Variants in AZI2 observed in about 807,000 individuals in gnomAD.
AZI2 encodes the protein 5-azacytidine-induced protein 2.
In AZI2, 22 loss-of-function variants were observed where a neutral mutation model predicts 45.8. The observed-to-expected ratio is 0.48, with a 90% CI of 0.34 to 0.69. The LOEUF (loss-of-function observed/expected upper bound fraction) is 0.69, where lower values mean the gene tolerates loss of function less well. Ranked by LOEUF, AZI2 falls within the 30% of genes least tolerant of loss-of-function variation. AZI2 has a pLI of 0.01. For synonymous variants in AZI2, 137 were observed against 156.7 expected, an observed-to-expected ratio of 0.87 and a Z score of 0.94; for missense variants, 417 against 441.5, an observed-to-expected ratio of 0.94 and a Z score of 0.50.
At chr3:28,348,125 C>G (rs1186349503) in intron 1 of AZI2, 2 of 152,166 alleles carry the variant, frequency 1.3e-5, no homozygotes, top group Non-Finnish European at 2.9e-5. Context: ...GAATGAATAC[C>G]GTATACAGGT....
Position 28,324,275 on chromosome 3 carries a change from G to C in AZI2, c.946C>G (p.Leu316Val). 1 of 1,608,846 alleles carries C rather than the reference G, an allele frequency of 6.2e-7. No homozygotes were observed. Among genetic ancestry groups the C allele is most frequent in the Non-Finnish European group, 8.5e-7 (1 of 1,176,450 alleles). The change falls in exon 8 of 8, where the codon CTC becomes GTC. Residue 316 changes from leucine (L) to valine (V), a missense_variant. Coordinates refer to ENST00000479665, the MANE Select transcript of AZI2 (RefSeq NM_022461.5). ...CTCTCATTGTCTGTCCATGATTGGA[G>C]GATTGCTTTCTCTGATAAAACCTTT... is the stretch of plus-strand genomic sequence containing the variant. ...DVKVLSEKAI[L>V]QSWTDNERSI... is the part of the protein sequence containing the mutation.
At chr3:28,325,977 C>G (rs754107080) in intron 7 of AZI2, among the ~76,000 whole-genome samples, 2 of 151,046 alleles carry the variant, frequency 1.3e-5, no homozygotes, top group African/African-American at 2.4e-5. Flanking sequence ...CTGAGGAGAA[C>G]TATTTATGAC....
intron 6 of AZI2, among the ~76,000 whole-genome samples, chr3:28,329,133 CTCAAATGAGAACTCT>C (rs1703488946): frequency 6.6e-6 from 1 of 151,236 alleles, no homozygotes; most frequent in Admixed American, 6.6e-5. Flanking sequence ...ACTGAAACTT[CTCAAATGAGAACTCT>C]AAAAACAGAT....
Position 28,332,423 on chromosome 3 carries a change from G to A in AZI2, c.593C>T (p.Pro198Leu), listed in dbSNP as rs1257428314. 1 of 1,607,180 alleles carries A rather than the reference G, an allele frequency of 6.2e-7. No individual in the cohort carries two copies. Among genetic ancestry groups the A allele is most frequent in the Non-Finnish European group, 8.5e-7 (1 of 1,175,406 alleles). Residue 198 changes from proline to leucine, a missense_variant, in exon 6 of 8, where the codon CCA becomes CTA. By Grantham distance (98) the Pro-to-Leu change is moderately conservative (BLOSUM62 -3). Coordinates refer to ENST00000479665, the MANE Select transcript of AZI2 (RefSeq NM_022461.5). The stretch of plus-strand genomic sequence containing the variant: ...GCTCTTCAGATTGTCTTCCTGATAT[G>A]GATCCTGTCATTTGTTTAAAAAAAA... ...IELQKAKQTDPYQEDNLKSRD... is the reference protein window; with the variant it reads ...IELQKAKQTDLYQEDNLKSRD...
intron 1 of AZI2, among the ~76,000 whole-genome samples, chr3:28,347,291 C>T (rs1293912094): frequency 1.3e-5 from 2 of 152,124 alleles, no homozygotes; most frequent in Admixed American, 6.5e-5. Context: ...AGTAGCCAAG[C>T]GTTTATGGTA....
chr3:28,334,064 A>T (rs558378015), intron 5 of AZI2, among the ~76,000 whole-genome samples: 1 of 151,580 alleles, frequency 6.6e-6, no homozygotes, highest in African/African-American at 2.4e-5. Context: ...AAAGTCTAAA[A>T]GGCCCATAGT....
intron 5 of AZI2, among the ~76,000 whole-genome samples, chr3:28,336,471 TTATAA>T (rs1018696333): frequency 2.6e-5 from 4 of 152,096 alleles, no homozygotes; most frequent in African/African-American, 9.6e-5. Context: ...GAAAGAACAG[TTATAA>T]TAAACTAATA....
chr3:28,339,108 G>A (rs1354209133), intron 2 of AZI2, among the ~76,000 whole-genome samples: 1 of 151,818 alleles, frequency 6.6e-6, no homozygotes, highest in African/African-American at 2.4e-5. Flanking sequence ...AGCTTCCGAG[G>A]AGCTGGGAAT....
intron 6 of AZI2, among the ~76,000 whole-genome samples, chr3:28,327,886 T>C (rs950508279): frequency 7.3e-5 from 11 of 150,700 alleles, no homozygotes; most frequent in African/African-American, 2.7e-4. Flanking sequence ...TAGATACTAG[T>C]GTAATTTTAA....
chr3:28,345,815 T>C lies in AZI2; in HGVS notation c.-6+2786A>G, dbSNP rs1054112354. 3.3e-5 allele frequency among the ~76,000 whole-genome samples: 5 copies of C among 152,246 alleles called. No homozygotes were observed. In the South Asian group the frequency reaches 8.3e-4, roughly 25 times the overall value. On this transcript the variant is annotated intron_variant, in intron 1 of 7. Transcript: ENST00000479665. Reference sequence around the variant, plus strand: ...AAAGTTTGGGATACTAGAAAACATATCTGCTGATATCAGACTGGTCTTTTT... The same window carrying C: ...AAAGTTTGGGATACTAGAAAACATACCTGCTGATATCAGACTGGTCTTTTT...
At position 28,326,814 on chromosome 3, in the gene AZI2, C is replaced by T. The variant is rs368009961; in HGVS notation, c.766+18G>A. 9.6e-6 allele frequency: 15 copies of T among 1,569,262 alleles called. No individual in the cohort carries two copies. The highest frequency in any genetic ancestry group is 2.2e-5 in the South Asian group (2 of 90,214). On this transcript the variant is annotated intron_variant, in intron 7 of 7. Coordinates refer to ENST00000479665, the MANE Select transcript of AZI2 (RefSeq NM_022461.5). ...CAGTTTGGCTGGAATCAGTGGTTTC[C>T]GGTAAACAGTGACTTGCCTTTCTTG...
intron 7 of AZI2, among the ~76,000 whole-genome samples, chr3:28,326,186 G>T (rs1401420193): frequency 6.6e-6 from 1 of 150,828 alleles, no homozygotes; most frequent in Non-Finnish European, 1.5e-5. Flanking sequence ...TTTTCTCCAA[G>T]GTATAAAAAT....
intron 1 of AZI2, chr3:28,341,777 T>C (rs1400309395): frequency 2.0e-5 from 3 of 152,154 alleles, no homozygotes; most frequent in Admixed American, 6.6e-5. Context: ...TTGAATTTCA[T>C]GTATCTTAGA....
chr3:28,334,835 A>T (rs1298527638), intron 5 of AZI2, among the ~76,000 whole-genome samples: 1 of 151,992 alleles, frequency 6.6e-6, no homozygotes, highest in Admixed American at 6.6e-5. Flanking sequence ...CAAATTTTTT[A>T]AAAAAGCATT....
At position 28,321,175 on chromosome 3, in the gene AZI2, G is replaced by C. The variant is rs1703175179; in HGVS notation, c.*2867C>G. The C allele has an allele frequency of 6.6e-6, 1 of 151,356 alleles. No individual in the cohort carries two copies. Among genetic ancestry groups the C allele is most frequent in the Admixed American group, 6.6e-5 (1 of 15,120 alleles). The allele number at this position is 151,356 out of a possible 1,614,324, so 9.4% of individuals were successfully genotyped here. ...AGCAGACAAAAGCAAAGCAAATATA[G>C]AAATCTAGAGACCACACAGCATAGG... is the stretch of plus-strand genomic sequence containing the variant. On this transcript the variant is annotated 3_prime_UTR_variant, in exon 8 of 8. Coordinates refer to ENST00000479665, the MANE Select transcript of AZI2 (RefSeq NM_022461.5).
intron 1 of AZI2, among the ~76,000 whole-genome samples, chr3:28,346,722 AG>A (rs1463728894): frequency 6.6e-6 from 1 of 152,182 alleles, no homozygotes; most frequent in Non-Finnish European, 1.5e-5. Context: ...GCAAGGATTA[AG>A]TCTTACGAAG....
At chr3:28,340,293 G>T in intron 2 of AZI2, 109 bp downstream of exon 2, 1 of 759,410 alleles carries the variant, frequency 1.3e-6, no homozygotes. Context: ...AGTTATTCTT[G>T]GAAATTTAGT....
In AZI2 at chr3:28,329,642, A is replaced by G. The variant is rs917408629; in HGVS notation, c.648-2692T>C. 3.3e-5 allele frequency among the ~76,000 whole-genome samples: 5 copies of G among 151,274 alleles called. No individual in the cohort carries two copies. In the East Asian group the frequency reaches 7.8e-4, roughly 23 times the overall value. Reference sequence around the variant, plus strand: ...TTACTTGAGTTTCTACTTCAGCCATACATATTTTTCTTTAGCATTTGAAAA... The same window carrying G: ...TTACTTGAGTTTCTACTTCAGCCATGCATATTTTTCTTTAGCATTTGAAAA... On this transcript the variant is annotated intron_variant, in intron 6 of 7. Coordinates refer to ENST00000479665, the MANE Select transcript of AZI2 (RefSeq NM_022461.5).
rs774575223 is a variant in AZI2, at chr3:28,332,427, C to T, written c.589G>A (p.Asp197Asn). The change falls in exon 6 of 8, where the codon GAT becomes AAT. Residue 197 changes from aspartate (D) to asparagine (N), a missense_variant and splice_region_variant. By Grantham distance (23) the Asp-to-Asn change is conservative. Coordinates refer to ENST00000479665, the MANE Select transcript of AZI2 (RefSeq NM_022461.5). ...KIELQKAKQT[D>N]PYQEDNLKSR... ...TTCAGATTGTCTTCCTGATATGGAT[C>T]CTGTCATTTGTTTAAAAAAAAGAAG... is the stretch of plus-strand genomic sequence containing the variant. The T allele has an allele frequency of 6.2e-7, 1 of 1,606,590 alleles. No individual in the cohort carries two copies. The highest frequency in any genetic ancestry group is 2.2e-5 in the East Asian group (1 of 44,616).
Sources: allele counts gnomAD v4.1 joint callset (sites outside exome capture counted in the v4.1 genomes callset), GRCh38; gene constraint gnomAD v4.1.1; transcripts MANE v1.5; gene names NCBI Gene and HGNC (gene_info 2026-07-23, HGNC 2026-07-21).